SEC14L1: variants seen among roughly 807,000 people sequenced by gnomAD.
SEC14L1 encodes the protein SEC14-like protein 1.
A neutral mutation model predicts 85.3 loss-of-function variants in SEC14L1; 48 were observed. The observed-to-expected ratio is 0.56, with a 90% CI of 0.45 to 0.72. SEC14L1 has a LOEUF of 0.72. SEC14L1 is among the 30% of genes least tolerant of loss of function. The pLI, the probability that SEC14L1 is intolerant of heterozygous loss-of-function variation, is 0.00. For synonymous variants in SEC14L1, 391 were observed against 355.5 expected (o/e 1.10, Z -1.12); for missense variants, 682 against 921.4 (o/e 0.74, Z 3.36).
chr17:77,178,849 C>T lies in SEC14L1; in HGVS notation c.64-11954C>T, dbSNP rs527858546. 2.6e-5 allele frequency among the ~76,000 whole-genome samples: 4 copies of T among 152,334 alleles called. No individual in the cohort carries two copies. In the East Asian group the frequency reaches 5.8e-4, roughly 22 times the overall value. ...CGCACGGACCGGTAGGAGCTGGGGA[C>T]TCTCTGTGTGTTAAACGAAGGTAGT... On this transcript the variant is annotated intron_variant, in intron 3 of 16. Coordinates refer to ENST00000436233, the MANE Select transcript of SEC14L1 (RefSeq NM_001143998.2).
chr17:77,136,636 G>C (rs1018449421), upstream of SEC14L1, among the ~76,000 whole-genome samples: 60 of 152,182 alleles, frequency 3.9e-4, no homozygotes, highest in African/African-American at 1.4e-3. Flanking sequence ...GTTTGCTTAT[G>C]GGTGTGCACG....
intron 3 of SEC14L1, among the ~76,000 whole-genome samples, chr17:77,108,611 T>G (rs1235793202): frequency 6.6e-6 from 1 of 151,832 alleles, no homozygotes; most frequent in Non-Finnish European, 1.5e-5. Context: ...TGGTGGTGCA[T>G]GCCTGTAGTC....
intron 14 of SEC14L1, 198 bp from the exon 15 acceptor site, chr17:77,211,752 A>G (rs1026014068): frequency 6.4e-5 from 42 of 658,064 alleles, no homozygotes; most frequent in Middle Eastern, 4.3e-4. Flanking sequence ...AGCTTGGTGC[A>G]TGACATGTAG....
At chr17:77,146,081 T>C (rs1231412571) in intron 3 of SEC14L1, among the ~76,000 whole-genome samples, 1 of 152,186 alleles carries the variant, frequency 6.6e-6, no homozygotes, top group Non-Finnish European at 1.5e-5. Flanking sequence ...CCCCGACCCC[T>C]GCCCTGGTCC....
chr17:77,193,685 CT>C (rs1975655589), intron 6 of SEC14L1, 136 bp downstream of exon 6: 3 of 889,430 alleles, frequency 3.4e-6, no homozygotes, highest in East Asian at 2.6e-5. Flanking sequence ...TCCCTACCCC[CT>C]GCCTCATCTT....
chr17:77,209,224 C>A, intron 13 of SEC14L1, 118 bp from the exon 14 acceptor site: 1 of 1,267,916 alleles, frequency 7.9e-7, no homozygotes, highest in Non-Finnish European at 1.1e-6. Flanking sequence ...CAGTGTTTTC[C>A]ATTTTCTCAG....
intron 2 of SEC14L1, among the ~76,000 whole-genome samples, chr17:77,143,126 G>A (rs1208728771): frequency 3.9e-5 from 6 of 152,102 alleles, no homozygotes; most frequent in Admixed American, 3.9e-4. Flanking sequence ...TTTTATTTTT[G>A]TTTTCCCAGA....
chr17:77,196,216 G>A lies in SEC14L1; in HGVS notation c.724G>A (p.Asp242Asn). The change falls in exon 8 of 17, where the codon GAC becomes AAC. Residue 242 changes from aspartate (D) to asparagine (N), a missense_variant. Transcript: ENST00000436233. ...VGTPDDKLDA[D>N]YIKRYLGDLT... ...TTACATTCCAGACAAACTAGATGCC[G>A]ACTACATCAAGAGATACCTGGGCGA... 5.6e-6 allele frequency: 9 copies of A among 1,613,552 alleles called. No homozygotes were observed. Among genetic ancestry groups the A allele is most frequent in the Non-Finnish European group, 7.6e-6 (9 of 1,179,538 alleles).
intron 3 of SEC14L1, among the ~76,000 whole-genome samples, chr17:77,149,481 G>C (rs1973459845): frequency 6.6e-6 from 1 of 152,092 alleles, no homozygotes; most frequent in African/African-American, 2.4e-5. Context: ...ATTTCTTGAG[G>C]TTCCAGGAGT....
intron 3 of SEC14L1, among the ~76,000 whole-genome samples, chr17:77,159,584 T>G (rs1194451408): frequency 6.6e-6 from 1 of 151,016 alleles, no homozygotes; most frequent in Non-Finnish European, 1.5e-5. Context: ...TTTCACCATA[T>G]TGGCCACACT....
chr17:77,153,616 G>A (rs1191463201), intron 3 of SEC14L1, among the ~76,000 whole-genome samples: 1 of 152,078 alleles, frequency 6.6e-6, no homozygotes, highest in Non-Finnish European at 1.5e-5. Flanking sequence ...TTAATTTATT[G>A]GCAGCGTTTC....
intron 3 of SEC14L1, among the ~76,000 whole-genome samples, chr17:77,116,407 T>TA (rs1379476843): frequency 5.3e-5 from 8 of 152,038 alleles, no homozygotes; most frequent in African/African-American, 1.9e-4. Flanking sequence ...ATTCTGACCC[T>TA]TAAATCTCGG....
At position 77,215,213 on chromosome 17, in the gene SEC14L1, G is replaced by A. The variant is rs1567942024; in HGVS notation, c.*1190G>A. ...GGGATTTGTTTGCCTTTTACATTTTGTTTAATTCCTGATTTTAAAGCCTGC... is the reference window on the plus strand; with the variant it reads ...GGGATTTGTTTGCCTTTTACATTTTATTTAATTCCTGATTTTAAAGCCTGC... On this transcript the variant is annotated 3_prime_UTR_variant, in exon 17 of 17. Coordinates refer to ENST00000436233, the MANE Select transcript of SEC14L1 (RefSeq NM_001143998.2). 1.0e-6 allele frequency: 1 copy of A among 985,366 alleles called. No individual in the cohort carries two copies. Among genetic ancestry groups the A allele is most frequent in the East Asian group, 1.1e-4 (1 of 8,822 alleles). The allele number at this position is 985,366 out of a possible 1,614,324, so 61.0% of individuals were successfully genotyped here.
chr17:77,203,559 C>T lies in SEC14L1; in HGVS notation c.1010-11C>T, dbSNP rs376368170. ...TGGTGCTGACAACTCATTCCTTCCC[C>T]TCCTCTGCAGATGGGCGGCCCCTCT... On this transcript the variant is annotated splice_polypyrimidine_tract_variant and intron_variant, in intron 9 of 16. Transcript: ENST00000436233. 2.2e-5 allele frequency: 35 copies of T among 1,612,288 alleles called. 1 individual carries two copies. In the African/African-American group the frequency reaches 4.0e-4, roughly 18 times the overall value.
chr17:77,212,136 C>A lies in SEC14L1; in HGVS notation c.1798C>A (p.Gln600Lys), dbSNP rs1976786670. The A allele has an allele frequency of 6.2e-7, 1 of 1,614,012 alleles. No individual in the cohort carries two copies. The highest frequency in any genetic ancestry group is 1.3e-5 in the African/African-American group (1 of 74,938). ...NNVQLIDKVW[Q>K]LGRDYSMVES... ...TGTGCAGCTCATAGACAAAGTCTGG[C>A]AGCTGGGCCGCGACTACAGCATGGT... The change falls in exon 15 of 17, where the codon CAG becomes AAG. Residue 600 changes from glutamine to lysine, a missense_variant. Coordinates refer to ENST00000436233, the MANE Select transcript of SEC14L1 (RefSeq NM_001143998.2).
In SEC14L1 at chr17:77,191,160, CTCTT is replaced by C. The variant is rs766629534; in HGVS notation, c.214-15_214-12del. 6.2e-6 allele frequency: 10 copies of C among 1,605,274 alleles called. No individual in the cohort carries two copies. Among genetic ancestry groups the C allele is most frequent in the Non-Finnish European group, 8.5e-6 (10 of 1,173,124 alleles). ...TTGGTTGTTATTAATAAACCCATTT[CTCTT>C]TCTTTTTTTTTTGAAGATTGCAGGA... is the stretch of plus-strand genomic sequence containing the variant. On this transcript the variant is annotated splice_polypyrimidine_tract_variant and intron_variant, in intron 4 of 16. Coordinates refer to ENST00000436233, the MANE Select transcript of SEC14L1 (RefSeq NM_001143998.2).
chr17:77,110,607 G>A (rs563408894), intron 3 of SEC14L1, among the ~76,000 whole-genome samples: 3 of 151,404 alleles, frequency 2.0e-5, no homozygotes, highest in African/African-American at 2.4e-5. Flanking sequence ...CTGGCTGGGC[G>A]CGGTGGCTCA....
At chr17:77,179,067 A>G (rs758486044) in intron 3 of SEC14L1, among the ~76,000 whole-genome samples, 10 of 152,216 alleles carry the variant, frequency 6.6e-5, no homozygotes, top group Non-Finnish European at 1.5e-4. Flanking sequence ...GCAAGAATAT[A>G]TATCATGTCT....
Position 77,213,466 on chromosome 17 carries a change from C to G in SEC14L1, c.2016C>G (p.Thr672=). The G allele has an allele frequency of 1.2e-6, 2 of 1,611,244 alleles. No homozygotes were observed. Among genetic ancestry groups the G allele is most frequent in the Non-Finnish European group, 1.7e-6 (2 of 1,180,024 alleles). ...ACAAGTGTAAAGTGATGTACTACACCGAGGTGATCGGCTCGGAGGATTTCA... is the reference window on the plus strand; with the variant it reads ...ACAAGTGTAAAGTGATGTACTACACGGAGGTGATCGGCTCGGAGGATTTCA... ...SSHKCKVMYY[T]EVIGSEDFRG... The change falls in exon 16 of 17, where the codon ACC becomes ACG. Residue 672 remains threonine (T), a synonymous_variant. Coordinates refer to ENST00000436233, the MANE Select transcript of SEC14L1 (RefSeq NM_001143998.2). The surrounding 1 kb of genome is among the most constrained non-coding windows in gnomAD (Gnocchi z 7.1).
Sources: allele counts gnomAD v4.1 joint callset (sites outside exome capture counted in the v4.1 genomes callset), GRCh38; gene constraint gnomAD v4.1.1; non-coding constraint Gnocchi (gnomAD v3.1); transcripts MANE v1.5; gene names NCBI Gene and HGNC (gene_info 2026-07-23, HGNC 2026-07-21).